MEF2C: variants seen among roughly 807,000 people sequenced by gnomAD.
MEF2C encodes myocyte-specific enhancer factor 2C.
Under a neutral mutation model 50.5 loss-of-function variants are expected in MEF2C, and 6 were observed. That is an observed-to-expected ratio of 0.12 (90% CI 0.07 to 0.23). The LOEUF (loss-of-function observed/expected upper bound fraction) is 0.23, where lower values mean the gene tolerates loss of function less well. Among genes scored for constraint, MEF2C ranks in the 10% least tolerant of loss-of-function variants. The pLI, the probability that MEF2C is intolerant of heterozygous loss-of-function variation, is 1.00. For synonymous variants in MEF2C, 183 were observed against 228.0 expected (o/e 0.80, Z 1.78); for missense variants, 276 against 605.0 (o/e 0.46, Z 5.70).
rs569311073 is a variant in MEF2C, at chr5:88,797,335, A to C, written c.258+7263T>G. ...TGTATTGGGTGCCTATATATTTAAG[A>C]TAGTTAGCTCTTCTTGTTGCATTGA... is the stretch of plus-strand genomic sequence containing the variant. On this transcript the variant is annotated intron_variant, in intron 3 of 10. Coordinates refer to ENST00000504921, the MANE Select transcript of MEF2C (RefSeq NM_002397.5). Among the ~76,000 whole-genome samples, 3 of 151,816 alleles carry C rather than the reference A, an allele frequency of 2.0e-5. 1 individual carries two copies. In the South Asian group the frequency reaches 6.3e-4, roughly 32 times the overall value.
chr5:88,878,533 T>C (rs1271934654), intron 1 of MEF2C, among the ~76,000 whole-genome samples: 1 of 152,046 alleles, frequency 6.6e-6, no homozygotes, highest in African/African-American at 2.4e-5. Flanking sequence ...TAAGGCAAGC[T>C]GCTGGTCATT....
At chr5:88,832,706 T>C (rs1474184656) in intron 1 of MEF2C, among the ~76,000 whole-genome samples, 1 of 152,170 alleles carries the variant, frequency 6.6e-6, no homozygotes, top group Non-Finnish European at 1.5e-5. Context: ...CTAGAATATT[T>C]TGATGTCAAA....
chr5:88,741,733 T>A, intron 6 of MEF2C: 2 of 984,262 alleles, frequency 2.0e-6, no homozygotes, highest in African/African-American at 3.5e-5. Context: ...TTCTTTATAA[T>A]AACTGGAGGT....
chr5:88,867,465 C>T (rs1827770176), intron 1 of MEF2C, among the ~76,000 whole-genome samples: 3 of 152,128 alleles, frequency 2.0e-5, no homozygotes, highest in African/African-American at 7.2e-5. Flanking sequence ...TCTATATAAT[C>T]GGGATAGTAA....
chr5:88,872,440 T>C (rs1185160833), intron 1 of MEF2C, among the ~76,000 whole-genome samples: 8 of 151,988 alleles, frequency 5.3e-5, no homozygotes, highest in South Asian at 2.1e-4. Flanking sequence ...AAGAAGTATA[T>C]TGAACTTAGC....
intron 1 of MEF2C, among the ~76,000 whole-genome samples, chr5:88,879,938 G>A (rs1360488654): frequency 6.6e-6 from 1 of 151,734 alleles, no homozygotes; most frequent in Non-Finnish European, 1.5e-5. Flanking sequence ...CTTTTGTAAC[G>A]TGCATAGACT....
chr5:88,834,504 G>A (rs549774211), intron 1 of MEF2C, among the ~76,000 whole-genome samples: 28 of 152,188 alleles, frequency 1.8e-4, no homozygotes, highest in African/African-American at 6.0e-4. Flanking sequence ...TGAAGCTTAC[G>A]TTCTAAGGGG....
intron 6 of MEF2C, chr5:88,740,446 T>C: frequency 1.0e-6 from 1 of 985,304 alleles, no homozygotes; most frequent in Non-Finnish European, 1.2e-6. Flanking sequence ...TTGTCCTAAC[T>C]GTCATGCGGA....
chr5:88,875,670 A>C (rs763466169), intron 1 of MEF2C, among the ~76,000 whole-genome samples: 11 of 151,984 alleles, frequency 7.2e-5, no homozygotes, highest in Non-Finnish European at 1.3e-4. Flanking sequence ...TTAGTAATTT[A>C]AGAGGCAGAA....
intron 1 of MEF2C, among the ~76,000 whole-genome samples, chr5:88,861,528 C>A (rs1825509116): frequency 6.6e-6 from 1 of 152,174 alleles, no homozygotes; most frequent in Admixed American, 6.5e-5. Flanking sequence ...AGTTTCTCAG[C>A]TACTGCACGA....
chr5:88,828,609 A>C (rs1811861085), intron 1 of MEF2C, among the ~76,000 whole-genome samples: 1 of 152,036 alleles, frequency 6.6e-6, no homozygotes, highest in African/African-American at 2.4e-5. Context: ...CTGCAAACCT[A>C]GTATTGCTAA....
chr5:88,761,470 A>G (rs1427218555), intron 3 of MEF2C, 142 bp from the exon 4 acceptor site: 1 of 1,016,848 alleles, frequency 9.8e-7, no homozygotes, highest in East Asian at 2.5e-5. Context: ...CACAGATGAA[A>G]GCTGAGTCAT....
intron 1 of MEF2C, among the ~76,000 whole-genome samples, chr5:88,831,774 C>A (rs1438648754): frequency 6.6e-6 from 1 of 151,970 alleles, no homozygotes; most frequent in African/African-American, 2.4e-5. Context: ...TTTTCTATTT[C>A]TCTTCATCTC....
chr5:88,857,331 T>G (rs1178552975), intron 1 of MEF2C, among the ~76,000 whole-genome samples: 1 of 152,196 alleles, frequency 6.6e-6, no homozygotes, highest in African/African-American at 2.4e-5. Context: ...GCTTTTGATT[T>G]TGATAGGTGG....
At chr5:88,850,690 G>A (rs769541047) in intron 1 of MEF2C, among the ~76,000 whole-genome samples, 5 of 150,592 alleles carry the variant, frequency 3.3e-5, no homozygotes, top group African/African-American at 7.3e-5. Context: ...ACACACACAC[G>A]CACACACATA....
At chr5:88,736,834 G>T (rs588282) in intron 6 of MEF2C, 555,345 of 984,958 alleles carry the variant, frequency 0.56, 159,519 homozygotes, top group East Asian at 0.59. Context: ...CTGCCTTATG[G>T]TCCTCGGAAT....
At chr5:88,817,242 A>G (rs1177744430) in intron 2 of MEF2C, among the ~76,000 whole-genome samples, 2 of 152,022 alleles carry the variant, frequency 1.3e-5, no homozygotes, top group Non-Finnish European at 2.9e-5. Flanking sequence ...TAGAACTGTA[A>G]TTAACTTGAT....
intron 6 of MEF2C, chr5:88,739,401 G>A: frequency 2.1e-6 from 2 of 971,580 alleles, no homozygotes; most frequent in Non-Finnish European, 2.4e-6. Context: ...GACAGGAAAT[G>A]TCACATACAT....
At chr5:88,869,266 T>TATATATACACATATATATATATATACAC (rs1561419502) in intron 1 of MEF2C, among the ~76,000 whole-genome samples, 1 of 70,630 alleles carries the variant, frequency 1.4e-5, no homozygotes, top group African/African-American at 9.7e-5. Flanking sequence ...TATATATATA[T>TATATATACACATATATATATATATACAC]ATATATATAT....
Sources: gnomAD v4.1 joint callset for allele counts (sites outside exome capture counted in the v4.1 genomes callset) on GRCh38, gnomAD v4.1.1 for gene constraint, MANE v1.5 for transcripts, NCBI Gene and HGNC (gene_info 2026-07-23, HGNC 2026-07-21) for gene names.